The following PCGF2 variants were observed in gnomAD, a reference collection of about 807,000 sequenced individuals.
PCGF2 encodes the protein polycomb group RING finger protein 2.
In PCGF2, 8 loss-of-function variants were observed where a neutral mutation model predicts 36.1. The ratio of observed to expected loss-of-function variants is 0.22; its 90% confidence interval spans 0.13 to 0.40. PCGF2 has a LOEUF of 0.40. Among genes scored for constraint, PCGF2 ranks in the 10% least tolerant of loss-of-function variants. The probability of loss-of-function intolerance (pLI) is 1.00; values close to 1 mark genes in which losing one functional copy is unlikely to be tolerated. For missense variants in PCGF2, 436 were observed against 475.9 expected, an observed-to-expected ratio of 0.92 and a Z score of 0.78; for synonymous variants, 198 against 191.2, an observed-to-expected ratio of 1.04 and a Z score of -0.29.
chr17:38,737,563 G>C (rs1906864352), intron 9 of PCGF2, among the ~76,000 whole-genome samples: 1 of 152,208 alleles, frequency 6.6e-6, no homozygotes, highest in Admixed American at 6.5e-5. Flanking sequence ...AACAGTTTAG[G>C]ATCCACTGTC....
chr17:38,741,457 G>A (rs1907197066), intron 2 of PCGF2, among the ~76,000 whole-genome samples: 1 of 151,996 alleles, frequency 6.6e-6, no homozygotes, highest in South Asian at 2.1e-4. Context: ...CAGGTGCAGG[G>A]CCTCAGACTT....
intron 9 of PCGF2, among the ~76,000 whole-genome samples, chr17:38,737,836 C>T (rs905765179): frequency 3.6e-4 from 53 of 146,438 alleles, no homozygotes; most frequent in Non-Finnish European, 4.5e-4. Flanking sequence ...CGCTTGAATC[C>T]GGTAGGCGGA....
intron 2 of PCGF2, among the ~76,000 whole-genome samples, chr17:38,747,587 A>G (rs1232590038): frequency 1.4e-5 from 2 of 144,158 alleles, no homozygotes; most frequent in Non-Finnish European, 3.0e-5. Context: ...CGGCGCCGGG[A>G]CGGGGAGCGG....
chr17:38,737,668 T>C (rs1032834125), intron 9 of PCGF2, among the ~76,000 whole-genome samples: 9 of 151,760 alleles, frequency 5.9e-5, no homozygotes, highest in Admixed American at 5.9e-4. Flanking sequence ...ATCCCAGCAC[T>C]TTGGGAGGCC....
Position 38,735,502 on chromosome 17 carries a change from C to T in PCGF2, c.756G>A (p.Gly252=), listed in dbSNP as rs1278162521. The change falls in exon 11 of 11, where the codon GGG becomes GGA. Residue 252 remains glycine (G), a synonymous_variant. Coordinates refer to ENST00000620225, the MANE Select transcript of PCGF2 (RefSeq NM_007144.3). ...CGCTGACTGACTCACACTCGGACGC[C>T]CCGCTGGTGTTGGTGCCCTCGGAGG... ...PTPSEGTNTS[G]ASECESVSDK... 2 of 1,593,026 alleles carry T rather than the reference C, an allele frequency of 1.3e-6. No individual in the cohort carries two copies. Among genetic ancestry groups the T allele is most frequent in the Non-Finnish European group, 1.7e-6 (2 of 1,170,068 alleles).
chr17:38,746,234 C>T (rs992364369), intron 2 of PCGF2, among the ~76,000 whole-genome samples: 7 of 152,024 alleles, frequency 4.6e-5, no homozygotes, highest in African/African-American at 1.2e-4. Flanking sequence ...TTGCCAGATA[C>T]ACACACATAC....
In PCGF2 at chr17:38,736,123, G is replaced by A; in HGVS notation, c.624C>T (p.Leu208=). The change falls in exon 10 of 11, where the codon CTC becomes CTT. Residue 208 remains leucine, a synonymous_variant. Transcript: ENST00000620225. The part of the protein sequence containing the change: ...EDEPLKEYYT[L]MDIAYIYPWR... ...AGGGGTAGATGTAGGCGATGTCCAT[G>A]AGGGTGTAGTATTCCTTCAGTGGCT... The A allele has an allele frequency of 6.3e-7, 1 of 1,587,292 alleles. No individual in the cohort carries two copies. The highest frequency in any genetic ancestry group is 8.6e-7 in the Non-Finnish European group (1 of 1,166,528).
In PCGF2 at chr17:38,739,088, G is replaced by C. The variant is rs1412330889; in HGVS notation, c.296C>G (p.Ala99Gly). ...DEMKRRRDFY[A>G]AYPLTEVPNG... Reference sequence around the variant, plus strand: ...CTCACCCTCCGTCAGGGGGTACGCTGCATAGAAATCCCGCCGCCGTTTCAT... The same window carrying C: ...CTCACCCTCCGTCAGGGGGTACGCTCCATAGAAATCCCGCCGCCGTTTCAT... Residue 99 changes from alanine to glycine, a missense_variant, in exon 6 of 11, where the codon GCA (alanine) becomes GGA (glycine). Physicochemically the swap from Ala to Gly is moderately conservative, Grantham distance 60. Transcript: ENST00000620225. This position sits in a 1 kb window ranked among gnomAD's most constrained non-coding sequence, Gnocchi z 4.0. The C allele has an allele frequency of 1.9e-6, 3 of 1,613,372 alleles. No homozygotes were observed. Among genetic ancestry groups the C allele is most frequent in the Non-Finnish European group, 2.5e-6 (3 of 1,180,004 alleles).
At chr17:38,738,679 A>G in intron 7 of PCGF2, 74 bp downstream of exon 7, 1 of 1,562,924 alleles carries the variant, frequency 6.4e-7, no homozygotes, top group South Asian at 1.1e-5. Context: ...GGACACATCC[A>G]GAGAGGGTCC....
chr17:38,740,738 G>A (rs916287060), intron 2 of PCGF2, among the ~76,000 whole-genome samples: 13 of 152,016 alleles, frequency 8.6e-5, no homozygotes, highest in African/African-American at 1.9e-4. Context: ...CAGCCTGGGC[G>A]ACAGAGTGAG....
intron 3 of PCGF2, 48 bp downstream of exon 3, chr17:38,740,243 G>A: frequency 6.4e-7 from 1 of 1,555,298 alleles, no homozygotes. Flanking sequence ...GCCCCAATCT[G>A]GGCACAGAGG....
In PCGF2 at chr17:38,735,535, C is replaced by T. The variant is rs1361095291; in HGVS notation, c.723G>A (p.Val241=). ...PACKRLTLAT[V]PTPSEGTNTS... ...TGTTGGTGCCCTCGGAGGGGGTGGGCACCGTGGCTAGGGTGAGCCGCTTGC... is the reference window on the plus strand; with the variant it reads ...TGTTGGTGCCCTCGGAGGGGGTGGGTACCGTGGCTAGGGTGAGCCGCTTGC... Residue 241 remains valine (V), a synonymous_variant, in exon 11 of 11, where the codon GTG becomes GTA. Coordinates refer to ENST00000620225, the MANE Select transcript of PCGF2 (RefSeq NM_007144.3). 1 of 1,588,908 alleles carries T rather than the reference C, an allele frequency of 6.3e-7. No individual in the cohort carries two copies. The highest frequency in any genetic ancestry group is 1.1e-5 in the South Asian group (1 of 87,352).
chr17:38,747,510 C>T (rs1330738834), intron 2 of PCGF2, among the ~76,000 whole-genome samples: 1 of 144,178 alleles, frequency 6.9e-6, no homozygotes, highest in Non-Finnish European at 1.5e-5. Context: ...AAACTTTCTG[C>T]GGGGCCCCGG....
upstream of PCGF2, among the ~76,000 whole-genome samples, chr17:38,749,079 C>G (rs1164120468): frequency 1.3e-5 from 2 of 152,166 alleles, no homozygotes; most frequent in Middle Eastern, 6.3e-3. This position sits in a 1 kb window ranked among gnomAD's most constrained non-coding sequence, Gnocchi z 6.5. Flanking sequence ...CCCCGGCGTG[C>G]TCGGGCAGAG....
upstream of PCGF2, chr17:38,749,595 C>T: frequency 2.2e-6 from 1 of 454,682 alleles, no homozygotes. The surrounding 1 kb of genome is among the most constrained non-coding windows in gnomAD (Gnocchi z 6.5). Context: ...TCCATCCGGC[C>T]AGCAGCGCCA....
upstream of PCGF2, chr17:38,749,325 C>T (rs578209498): frequency 1.0e-4 from 23 of 223,924 alleles, 2 homozygotes; most frequent in South Asian, 1.2e-3. This position sits in a 1 kb window ranked among gnomAD's most constrained non-coding sequence, Gnocchi z 6.5. Context: ...AGCGCCAAGA[C>T]GGCTGGGCCC....
chr17:38,747,548 T>A (rs1907614129), intron 2 of PCGF2, among the ~76,000 whole-genome samples: 1 of 136,578 alleles, frequency 7.3e-6, no homozygotes, highest in Non-Finnish European at 1.6e-5. Context: ...GAGGCTCTGC[T>A]GAGGTGGTTC....
rs376819988 is a variant in PCGF2, at chr17:38,739,554, C to A, written c.209+32G>T. 1 of 1,515,844 alleles carries A rather than the reference C, an allele frequency of 6.6e-7. No individual in the cohort carries two copies. The highest frequency in any genetic ancestry group is 9.2e-7 in the Non-Finnish European group (1 of 1,090,552). The allele number at this position is 1,515,844 out of a possible 1,614,324, so 93.9% of individuals were successfully genotyped here. A position where few individuals can be genotyped will look rare whatever the true frequency, so the allele number is the denominator to read the frequency against. ...GATGGGGGAGGCTGACCCAGAGGAT[C>A]GCGGGGACAGGAGGTGCCGTGCCAA... On this transcript the variant is annotated intron_variant, in intron 4 of 10. Transcript: ENST00000620225. The surrounding 1 kb of genome is among the most constrained non-coding windows in gnomAD (Gnocchi z 4.0).
intron 9 of PCGF2, among the ~76,000 whole-genome samples, chr17:38,736,582 C>T (rs1455288741): frequency 1.3e-5 from 2 of 152,186 alleles, no homozygotes; most frequent in African/African-American, 2.4e-5. Flanking sequence ...TGCCTGTAAT[C>T]CCAGCACTTT....
Sources: allele counts gnomAD v4.1 joint callset (sites outside exome capture counted in the v4.1 genomes callset), GRCh38; gene constraint gnomAD v4.1.1; non-coding constraint Gnocchi (gnomAD v3.1); transcripts MANE v1.5; gene names NCBI Gene and HGNC (gene_info 2026-07-23, HGNC 2026-07-21).